SLBP: variants seen among roughly 807,000 people sequenced by gnomAD.
SLBP encodes histone RNA hairpin-binding protein.
Under a neutral mutation model 39.2 loss-of-function variants are expected in SLBP, and 29 were observed. The ratio of observed to expected loss-of-function variants is 0.74; its 90% CI spans 0.55 to 1.01. The LOEUF (loss-of-function observed/expected upper bound fraction) is 1.01, where lower values mean the gene tolerates loss of function less well. SLBP is among the 50% of genes least tolerant of loss of function. The probability of loss-of-function intolerance (pLI) is 0.00; values close to 1 mark genes in which losing one functional copy is unlikely to be tolerated. For missense variants in SLBP, 390 were observed against 350.2 expected (o/e 1.11, Z -0.91); for synonymous variants, 129 against 118.7 (o/e 1.09, Z -0.57).
intron 2 of SLBP, among the ~76,000 whole-genome samples, chr4:1,711,504 T>C (rs1386960102): frequency 1.3e-5 from 2 of 151,882 alleles, no homozygotes; most frequent in East Asian, 1.9e-4. Context: ...ACCCAGAAAA[T>C]GGCCAAGCAG....
intron 7 of SLBP, among the ~76,000 whole-genome samples, chr4:1,694,050 C>G (rs1433005917): frequency 6.6e-6 from 1 of 152,214 alleles, no homozygotes; most frequent in East Asian, 1.9e-4. Context: ...TGTCTCAGGA[C>G]AGGAGACAGT....
rs1329745924 is a variant in SLBP, at chr4:1,694,789, G to A, written c.681C>T (p.Ser227=). Reference sequence around the variant, plus strand: ...AAGTACTTACAAAGTCATCCTGAGAGCTGGTCTGGGGCTCGGAGCTGCTTT... The same window carrying A: ...AAGTACTTACAAAGTCATCCTGAGAACTGGTCTGGGGCTCGGAGCTGCTTT... ...SAESSSEPQT[S]SQDDFDVYSG... is the part of the protein sequence containing the mutation. Residue 227 remains serine, a synonymous_variant, in exon 7 of 8, where the codon AGC becomes AGT. Coordinates refer to ENST00000489418, the MANE Select transcript of SLBP (RefSeq NM_006527.4). The A allele has an allele frequency of 6.2e-7, 1 of 1,613,022 alleles. No individual in the cohort carries two copies. The highest frequency in any genetic ancestry group is 1.1e-5 in the South Asian group (1 of 91,072).
chr4:1,698,561 T>C (rs1159039877), intron 5 of SLBP, among the ~76,000 whole-genome samples: 1 of 145,748 alleles, frequency 6.9e-6, no homozygotes, highest in Admixed American at 6.8e-5. Flanking sequence ...CTCGGCTCAC[T>C]GCAACCTCCT....
intron 3 of SLBP, among the ~76,000 whole-genome samples, chr4:1,702,971 G>A (rs1468694421): frequency 6.6e-6 from 1 of 152,136 alleles, no homozygotes; most frequent in East Asian, 1.9e-4. Context: ...GTTAGGCCGG[G>A]CACAGTGACT....
chr4:1,700,722 T>A (rs1716293130), intron 3 of SLBP, among the ~76,000 whole-genome samples: 2 of 151,844 alleles, frequency 1.3e-5, no homozygotes, highest in Non-Finnish European at 2.9e-5. Context: ...GCCACAACCA[T>A]CTCCAAAAAA....
Position 1,693,245 on chromosome 4 carries a change from A to G in SLBP, c.*352T>C, listed in dbSNP as rs1715982860. The stretch of plus-strand genomic sequence containing the variant: ...TCCCATGGATTACATGGTTAAATCC[A>G]AAACAGTCCACCTGACAAGCAATAA... On this transcript the variant is annotated 3_prime_UTR_variant, in exon 8 of 8. Transcript: ENST00000489418. The G allele has an allele frequency of 4.8e-6, 1 of 206,214 alleles. No homozygotes were observed. Among genetic ancestry groups the G allele is most frequent in the Admixed American group, 5.3e-5 (1 of 18,802 alleles). The allele number at this position is 206,214 out of a possible 1,614,324, so 12.8% of individuals were successfully genotyped here. A position where few individuals can be genotyped will look rare whatever the true frequency, so the allele number is the denominator to read the frequency against.
chr4:1,701,303 G>A (rs1414264922), intron 3 of SLBP, among the ~76,000 whole-genome samples: 15 of 151,858 alleles, frequency 9.9e-5, no homozygotes, highest in South Asian at 2.1e-4. Context: ...CTGCCACCAC[G>A]CCTGGCTAAT....
At chr4:1,702,892 G>A (rs756144189) in intron 3 of SLBP, among the ~76,000 whole-genome samples, 1 of 152,134 alleles carries the variant, frequency 6.6e-6, no homozygotes, top group Non-Finnish European at 1.5e-5. Flanking sequence ...TCCATCTACT[G>A]TGCTGGGTTG....
rs1716791981 is a variant in SLBP at position 1,711,918 on chromosome 4, G to A, written c.132C>T (p.Asp44=). The change falls in exon 2 of 8, where the codon GAC becomes GAT. Residue 44 remains aspartate, a synonymous_variant. Transcript: ENST00000489418. ...RADGRRWRPE[D]AEEAEHRGAE... Reference sequence around the variant, plus strand: ...CGCCGCGGTGCTCTGCCTCCTCGGCGTCTTCGGGCCTCCAGCGCCTGCCGT... The same window carrying A: ...CGCCGCGGTGCTCTGCCTCCTCGGCATCTTCGGGCCTCCAGCGCCTGCCGT... The A allele has an allele frequency of 5.1e-6, 7 of 1,364,830 alleles. No homozygotes were observed. Among genetic ancestry groups the A allele is most frequent in the Non-Finnish European group, 6.6e-6 (7 of 1,057,810 alleles). 84.5% of individuals were successfully genotyped at this position (1,364,830 alleles called of 1,614,324 possible).
At chr4:1,700,214 G>T in intron 3 of SLBP, 144 bp from the exon 4 acceptor site, 1 of 436,800 alleles carries the variant, frequency 2.3e-6, no homozygotes, top group Non-Finnish European at 4.0e-6. Flanking sequence ...TCTTTGTCAG[G>T]TTCAGTTTAA....
chr4:1,703,498 C>T, intron 3 of SLBP, 98 bp downstream of exon 3: 2 of 815,586 alleles, frequency 2.5e-6, no homozygotes, highest in Non-Finnish European at 2.2e-6. Context: ...GTCTGGAGCC[C>T]AGACCTTTGA....
At chr4:1,704,692 G>C (rs1716452405) in intron 2 of SLBP, among the ~76,000 whole-genome samples, 1 of 152,174 alleles carries the variant, frequency 6.6e-6, no homozygotes, top group African/African-American at 2.4e-5. Flanking sequence ...GGCTCTGCAA[G>C]GTAAGTCTCT....
intron 2 of SLBP, among the ~76,000 whole-genome samples, chr4:1,710,585 G>A (rs1052076948): frequency 6.6e-5 from 10 of 152,240 alleles, no homozygotes; most frequent in African/African-American, 2.4e-4. Flanking sequence ...AAAGAGAAAA[G>A]TAGGTTGAAG....
intron 4 of SLBP, 113 bp downstream of exon 4, chr4:1,699,898 A>G: frequency 1.2e-6 from 1 of 847,832 alleles, no homozygotes; most frequent in Non-Finnish European, 1.9e-6. Context: ...TTAGTGAAAA[A>G]GGTATTAATA....
At chr4:1,696,388 G>A in intron 5 of SLBP, 37 bp from the exon 6 acceptor site, 1 of 1,484,310 alleles carries the variant, frequency 6.7e-7, no homozygotes, top group Non-Finnish European at 9.0e-7. Context: ...ATGCCCACAT[G>A]CCACTCACAT....
intron 6 of SLBP, among the ~76,000 whole-genome samples, chr4:1,695,846 C>T (rs1156392895): frequency 5.3e-5 from 8 of 151,362 alleles, no homozygotes; most frequent in African/African-American, 1.5e-4. Context: ...ATGGTTGAGC[C>T]GAAATGACTC....
intron 3 of SLBP, 44 bp downstream of exon 3, chr4:1,703,552 A>G (rs758489092): frequency 8.1e-7 from 1 of 1,228,956 alleles, no homozygotes; most frequent in Non-Finnish European, 1.2e-6. Context: ...TGTGTTACTG[A>G]AAACGCCACA....
chr4:1,698,578 A>G lies in SLBP; in HGVS notation c.479+986T>C, dbSNP rs181492619. Among the ~76,000 whole-genome samples the G allele has an allele frequency of 4.6e-3, 667 of 144,090 alleles. 7 individuals are homozygous for G. The highest frequency in any genetic ancestry group is 6.4e-3 in the Non-Finnish European group (422 of 66,180). The allele number at this position is 144,090 out of a possible 152,430, so 94.5% of individuals were successfully genotyped here. A position where few individuals can be genotyped will look rare whatever the true frequency, so the allele number is the denominator to read the frequency against. On this transcript the variant is annotated intron_variant, in intron 5 of 7. Coordinates refer to ENST00000489418, the MANE Select transcript of SLBP (RefSeq NM_006527.4). ...CGGCTCACTGCAACCTCCTCCTCCC[A>G]GGTTCAAGTGATTCTCCTGCCTCAG...
intron 3 of SLBP, among the ~76,000 whole-genome samples, chr4:1,700,522 G>A (rs748115025): frequency 1.3e-5 from 2 of 150,902 alleles, no homozygotes; most frequent in South Asian, 2.1e-4. Flanking sequence ...GCAATCTGAC[G>A]TTGAAACCAC....
Sources: allele counts gnomAD v4.1 joint callset (sites outside exome capture counted in the v4.1 genomes callset), GRCh38; gene constraint gnomAD v4.1.1; transcripts MANE v1.5; gene names NCBI Gene and HGNC (gene_info 2026-07-23, HGNC 2026-07-21).